LAMA2: variants seen among roughly 807,000 people sequenced by gnomAD.
The protein encoded by LAMA2 is laminin subunit alpha 2, also known as laminin subunit alpha-2.
Under a neutral mutation model 364.8 loss-of-function variants are expected in LAMA2, and 269 were observed. That is an observed-to-expected ratio of 0.74 (90% CI 0.67 to 0.82). LAMA2 has a LOEUF of 0.82. Among genes scored for constraint, LAMA2 ranks in the 40% least tolerant of loss-of-function variants. The pLI, the probability that LAMA2 is intolerant of heterozygous loss-of-function variation, is 0.00. For missense variants in LAMA2, 3,807 were observed against 3,873.2 expected, an observed-to-expected ratio of 0.98 and a Z score of 0.45; for synonymous variants, 1,379 against 1,370.6, an observed-to-expected ratio of 1.01 and a Z score of -0.14.
chr6:128,913,409 C>G (rs183040459), intron 1 of LAMA2, among the ~76,000 whole-genome samples: 76 of 152,246 alleles, frequency 5.0e-4, no homozygotes, highest in Admixed American at 2.0e-3. Flanking sequence ...AAAAAAAGAT[C>G]AGTTTCACTA....
In LAMA2 at chr6:128,911,561, C is replaced by G. The variant is rs533387826; in HGVS notation, c.112+28204C>G. Among the ~76,000 whole-genome samples, 260 of 151,974 alleles carry G rather than the reference C, an allele frequency of 1.7e-3. 1 individual carries two copies. Among genetic ancestry groups the G allele is most frequent in the African/African-American group, 5.9e-3 (244 of 41,446 alleles). ...CTGGCATTCCTTAGTGAGATGAACC[C>G]GGTACCTCAGATGGAAAAGCAGAAA... On this transcript the variant is annotated intron_variant, in intron 1 of 64. Coordinates refer to ENST00000421865, the MANE Select transcript of LAMA2 (RefSeq NM_000426.4).
At chr6:129,092,313 G>C (rs1461121103) in intron 3 of LAMA2, among the ~76,000 whole-genome samples, 3 of 152,176 alleles carry the variant, frequency 2.0e-5, no homozygotes, top group African/African-American at 7.2e-5. Flanking sequence ...AACTCAAACA[G>C]AGAGACATTA....
At chr6:128,927,221 C>A (rs2114504362) in intron 1 of LAMA2, among the ~76,000 whole-genome samples, 1 of 152,294 alleles carries the variant, frequency 6.6e-6, no homozygotes, top group South Asian at 2.1e-4. Flanking sequence ...CCTTCAAACT[C>A]TTTTCTTGAT....
chr6:128,968,060 G>A (rs751503774), intron 1 of LAMA2, among the ~76,000 whole-genome samples: 2 of 152,082 alleles, frequency 1.3e-5, no homozygotes, highest in Non-Finnish European at 2.9e-5. Flanking sequence ...AGATCAAAAT[G>A]CATTTATTCA....
intron 12 of LAMA2, among the ~76,000 whole-genome samples, chr6:129,206,219 C>T (rs893552726): frequency 2.0e-5 from 3 of 151,912 alleles, no homozygotes; most frequent in Non-Finnish European, 1.5e-5. Flanking sequence ...TGTATGACTA[C>T]TATTTGTCTT....
intron 20 of LAMA2, chr6:129,293,028 A>G (rs1789826921): frequency 1.0e-6 from 1 of 985,806 alleles, no homozygotes; most frequent in Non-Finnish European, 1.2e-6. Flanking sequence ...CGGCAGCTCC[A>G]GCGGGTGCCC....
chr6:129,131,866 T>C (rs911129116), intron 4 of LAMA2, among the ~76,000 whole-genome samples: 1 of 152,238 alleles, frequency 6.6e-6, no homozygotes, highest in African/African-American at 2.4e-5. Flanking sequence ...TACATCACAA[T>C]GTTGAGCTAC....
rs150152685 is a variant in LAMA2, at chr6:128,954,522, G to T, written c.112+71165G>T. Among the ~76,000 whole-genome samples the T allele has an allele frequency of 6.0e-4, 91 of 152,008 alleles. 2 individuals carry two copies. Among genetic ancestry groups the T allele is most frequent in the African/African-American group, 2.1e-3 (89 of 41,524 alleles). The stretch of plus-strand genomic sequence containing the variant: ...CAATTGGTAACAGTCATCATATTTG[G>T]TGTTATTTAGCATTTCTCAAAAACA... On this transcript the variant is annotated intron_variant, in intron 1 of 64. Coordinates refer to ENST00000421865, the MANE Select transcript of LAMA2 (RefSeq NM_000426.4).
chr6:129,332,666 C>T (rs1775723146), intron 29 of LAMA2, among the ~76,000 whole-genome samples: 1 of 152,116 alleles, frequency 6.6e-6, no homozygotes, highest in Non-Finnish European at 1.5e-5. Context: ...ATCAAGCACG[C>T]ATTTCTCATA....
At chr6:129,004,658 C>G (rs1227550723) in intron 1 of LAMA2, among the ~76,000 whole-genome samples, 1 of 152,098 alleles carries the variant, frequency 6.6e-6, no homozygotes, top group African/African-American at 2.4e-5. Flanking sequence ...CAATTCCTTA[C>G]TTTGACTTTA....
At chr6:129,135,247 C>G (rs1777719722) in intron 4 of LAMA2, among the ~76,000 whole-genome samples, 1 of 152,038 alleles carries the variant, frequency 6.6e-6, no homozygotes, top group African/African-American at 2.4e-5. Context: ...AATGGAATCC[C>G]AAATCAGATG....
rs183389829 is a variant in LAMA2, at chr6:129,346,861, A to G, written c.4437-2437A>G. Among the ~76,000 whole-genome samples, 40 of 152,304 alleles carry G rather than the reference A, an allele frequency of 2.6e-4. 1 individual carries two copies. Among genetic ancestry groups the G allele is most frequent in the African/African-American group, 8.9e-4 (37 of 41,572 alleles). On this transcript the variant is annotated intron_variant, in intron 30 of 64. Coordinates refer to ENST00000421865, the MANE Select transcript of LAMA2 (RefSeq NM_000426.4). ...TAGAGTGATGAAGGTATGATTTTAG[A>G]TGAGGTGGTCCATGATCTTCACAAA... is the stretch of plus-strand genomic sequence containing the variant.
At chr6:129,390,457 A>G (rs1002335234) in intron 35 of LAMA2, among the ~76,000 whole-genome samples, 2 of 151,958 alleles carry the variant, frequency 1.3e-5, no homozygotes, top group African/African-American at 4.8e-5. Flanking sequence ...ATAGAAATTA[A>G]TTTTCAGGAA....
intron 8 of LAMA2, chr6:129,158,408 C>T (rs1050864485): frequency 1.9e-6 from 3 of 1,613,922 alleles, no homozygotes; most frequent in Non-Finnish European, 2.5e-6. Flanking sequence ...TACCAACTTG[C>T]CGGACCATCT....
intron 11 of LAMA2, among the ~76,000 whole-genome samples, chr6:129,190,903 G>A (rs569354256): frequency 2.4e-4 from 37 of 152,196 alleles, no homozygotes; most frequent in African/African-American, 7.0e-4. Context: ...TTTCTTTAAC[G>A]TAAATGTGTT....
chr6:128,971,615 G>A (rs1287927245), intron 1 of LAMA2, among the ~76,000 whole-genome samples: 3 of 152,146 alleles, frequency 2.0e-5, no homozygotes, highest in Non-Finnish European at 1.5e-5. Context: ...GCAGATTTTA[G>A]TGTAAGCAAT....
At chr6:128,937,996 C>T (rs1779933777) in intron 1 of LAMA2, among the ~76,000 whole-genome samples, 1 of 151,974 alleles carries the variant, frequency 6.6e-6, no homozygotes, top group Non-Finnish European at 1.5e-5. Context: ...TCATTTGTCT[C>T]AAGATACTTT....
chr6:129,262,740 A>C (rs1224898268), intron 15 of LAMA2, among the ~76,000 whole-genome samples: 1 of 152,112 alleles, frequency 6.6e-6, no homozygotes, highest in Non-Finnish European at 1.5e-5. Flanking sequence ...TTGCTTTTCA[A>C]TTAAGTGTAG....
chr6:128,921,236 G>C (rs761475371), intron 1 of LAMA2, among the ~76,000 whole-genome samples: 7 of 151,906 alleles, frequency 4.6e-5, no homozygotes, highest in Non-Finnish European at 1.0e-4. Flanking sequence ...TTTCTAAAAT[G>C]ATGACTAAAA....
Sources: gnomAD v4.1 joint callset for allele counts (sites outside exome capture counted in the v4.1 genomes callset) on GRCh38, gnomAD v4.1.1 for gene constraint, MANE v1.5 for transcripts, NCBI Gene and HGNC (gene_info 2026-07-23, HGNC 2026-07-21) for gene names.